KIF18B: variants seen among roughly 807,000 people sequenced by gnomAD.
KIF18B encodes the protein kinesin family member 18B, also known as kinesin-like protein KIF18B.
A neutral mutation model predicts 80.9 loss-of-function variants in KIF18B; 49 were observed. The observed-to-expected ratio is 0.61, with a 90% CI of 0.48 to 0.77. The LOEUF (loss-of-function observed/expected upper bound fraction) is 0.77. KIF18B is among the 30% of genes least tolerant of loss of function. The pLI, the probability that KIF18B is intolerant of heterozygous loss-of-function variation, is 0.00. For synonymous variants in KIF18B, 439 were observed against 463.9 expected (o/e 0.95, Z 0.69); for missense variants, 994 against 1,127.7 (o/e 0.88, Z 1.70).
intron 1 of KIF18B, 101 bp from the exon 2 acceptor site, chr17:44,936,459 GTC>G: frequency 2.1e-6 from 2 of 965,574 alleles, no homozygotes; most frequent in South Asian, 1.6e-5. Context: ...CCAATGACTG[GTC>G]TCTGTTTTAT....
intron 1 of KIF18B, among the ~76,000 whole-genome samples, chr17:44,945,854 TGA>T (rs1373803434): frequency 7.0e-6 from 1 of 142,872 alleles, no homozygotes; most frequent in African/African-American, 2.6e-5. Flanking sequence ...TGCAGGGAGC[TGA>T]GGTGGTACCA....
At position 44,932,117 on chromosome 17, in the gene KIF18B, T is replaced by C; in HGVS notation, c.1328A>G (p.Glu443Gly). ...GMEAQVERAMEGNSSDQEQSP... is the reference protein window; with the variant it reads ...GMEAQVERAMGGNSSDQEQSP... ...CTGCTCCTGGTCTGAAGAGTTCCCT[T>C]CCATGGCCCTCTCCACCTGGGCCTC... is the stretch of plus-strand genomic sequence containing the variant. Residue 443 changes from glutamate (E) to glycine (G), a missense_variant, in exon 10 of 16, where the codon GAA (glutamate) becomes GGA (glycine). By Grantham distance (98) the Glu-to-Gly change is moderately conservative (BLOSUM62 -2). Coordinates refer to ENST00000593135, the MANE Select transcript of KIF18B (RefSeq NM_001265577.2). The C allele has an allele frequency of 6.2e-7, 1 of 1,613,856 alleles. No homozygotes were observed. The highest frequency in any genetic ancestry group is 1.1e-5 in the South Asian group (1 of 91,060).
chr17:44,925,910 A>G lies in KIF18B; in HGVS notation c.*170T>C. The G allele has an allele frequency of 1.5e-6, 1 of 666,436 alleles. No individual in the cohort carries two copies. The allele number at this position is 666,436 out of a possible 1,614,324, so 41.3% of individuals were successfully genotyped here. The stretch of plus-strand genomic sequence containing the variant: ...AGATTAACAGAGGGTGAGTAGCAGG[A>G]TGGATGTCTGGGGAGGGATGTTAAT... On this transcript the variant is annotated 3_prime_UTR_variant, in exon 16 of 16. Coordinates refer to ENST00000593135, the MANE Select transcript of KIF18B (RefSeq NM_001265577.2).
rs2052081873 is a variant in KIF18B at position 44,928,590 on chromosome 17, G to A, written c.1724-12C>T. On this transcript the variant is annotated splice_polypyrimidine_tract_variant and intron_variant, in intron 12 of 15. Transcript: ENST00000593135. ...AGACGGCACAGGGACTGCACAGAAG[G>A]AAGGAGAGTTTGTAGAACTTGGGGA... 4.8e-6 allele frequency: 7 copies of A among 1,446,362 alleles called. No individual in the cohort carries two copies. Among genetic ancestry groups the A allele is most frequent in the African/African-American group, 1.4e-5 (1 of 69,804 alleles). 89.6% of individuals were successfully genotyped at this position (1,446,362 alleles called of 1,614,324 possible). A position where few individuals can be genotyped will look rare whatever the true frequency, so the allele number is the denominator to read the frequency against.
chr17:44,934,952 GGAAGAGGCCT>G lies in KIF18B; in HGVS notation c.472-27_472-18del. 1.3e-6 allele frequency: 2 copies of G among 1,498,420 alleles called. No individual in the cohort carries two copies. The highest frequency in any genetic ancestry group is 1.8e-6 in the Non-Finnish European group (2 of 1,103,056). The allele number at this position is 1,498,420 out of a possible 1,614,324, so 92.8% of individuals were successfully genotyped here. A position where few individuals can be genotyped will look rare whatever the true frequency, so the allele number is the denominator to read the frequency against. ...ATTATACACCTGAGAAAGGAAGAAAGGAAGAGGCCTGAGGGAGAGCGGCCCATCAGGAAAC... is the reference window on the plus strand; with the variant it reads ...ATTATACACCTGAGAAAGGAAGAAAGGAGGGAGAGCGGCCCATCAGGAAAC... On this transcript the variant is annotated intron_variant, in intron 3 of 15. Transcript: ENST00000593135. The surrounding 1 kb of genome is among the most constrained non-coding windows in gnomAD (Gnocchi z 5.4).
intron 3 of KIF18B, 68 bp from the exon 4 acceptor site, chr17:44,935,003 G>T: frequency 8.5e-7 from 1 of 1,169,662 alleles, no homozygotes; most frequent in South Asian, 1.4e-5. Context: ...CCTAGCGGCT[G>T]GACAGGGGAG....
At position 44,937,801 on chromosome 17, in the gene KIF18B, T is replaced by G. The variant is rs148902486; in HGVS notation, c.-14-1443A>C. Among the ~76,000 whole-genome samples the G allele has an allele frequency of 4.0e-3, 609 of 152,320 alleles. 4 individuals are homozygous for G. Among genetic ancestry groups the G allele is most frequent in the African/African-American group, 0.014 (588 of 41,568 alleles). Reference sequence around the variant, plus strand: ...CAATGTTGAATAATAATGATGATAATGTGCATTCTTGTTTTGTTTCTGATT... The same window carrying G: ...CAATGTTGAATAATAATGATGATAAGGTGCATTCTTGTTTTGTTTCTGATT... On this transcript the variant is annotated intron_variant, in intron 1 of 15. Coordinates refer to ENST00000593135, the MANE Select transcript of KIF18B (RefSeq NM_001265577.2).
chr17:44,932,341 T>A, intron 9 of KIF18B, 135 bp from the exon 10 acceptor site: 1 of 993,106 alleles, frequency 1.0e-6, no homozygotes, highest in Non-Finnish European at 1.4e-6. Context: ...ATAGAGTCCA[T>A]AAGGGACAGA....
chr17:44,946,685 C>T (rs1393631727), intron 1 of KIF18B, among the ~76,000 whole-genome samples: 2 of 152,172 alleles, frequency 1.3e-5, no homozygotes, highest in Non-Finnish European at 2.9e-5. Context: ...CCCTTAAGTT[C>T]TGTGGCACAG....
chr17:44,942,877 A>G (rs1485817943), intron 1 of KIF18B, among the ~76,000 whole-genome samples: 1 of 152,234 alleles, frequency 6.6e-6, no homozygotes, highest in Non-Finnish European at 1.5e-5. Flanking sequence ...ACTGTACAAA[A>G]GGAACAGGAG....
intron 11 of KIF18B, among the ~76,000 whole-genome samples, chr17:44,931,169 T>A (rs1391074824): frequency 6.6e-6 from 1 of 152,164 alleles, no homozygotes; most frequent in Admixed American, 6.5e-5. Flanking sequence ...TGAGAAAAAA[T>A]AGCCGCAATC....
At chr17:44,944,454 G>A (rs907135344) in intron 1 of KIF18B, among the ~76,000 whole-genome samples, 1 of 151,986 alleles carries the variant, frequency 6.6e-6, no homozygotes, top group Non-Finnish European at 1.5e-5. Flanking sequence ...TGTCGGTCAG[G>A]CTGGTCTCAT....
chr17:44,935,913 C>A lies in KIF18B; in HGVS notation c.313+119G>T. 4.7e-6 allele frequency: 4 copies of A among 843,880 alleles called. No individual in the cohort carries two copies. The South Asian group carries it at 6.1e-5, about 13-fold the overall frequency. 52.3% of individuals were successfully genotyped at this position (843,880 alleles called of 1,614,324 possible). A position where few individuals can be genotyped will look rare whatever the true frequency, so the allele number is the denominator to read the frequency against. On this transcript the variant is annotated intron_variant, in intron 2 of 15. Transcript: ENST00000593135. ...GCATGATGGGACATTGTACAAAACT[C>A]CTTAGTAAATCGTGCCCAGCTTGGG...
At chr17:44,945,888 G>A (rs866912058) in intron 1 of KIF18B, among the ~76,000 whole-genome samples, 1 of 140,628 alleles carries the variant, frequency 7.1e-6, no homozygotes, top group South Asian at 2.3e-4. Flanking sequence ...CCTGGGCAAC[G>A]AGGGAAATTC....
At position 44,931,731 on chromosome 17, in the gene KIF18B, T is replaced by C. The variant is rs778237771; in HGVS notation, c.1390-2A>G. 5 of 1,613,794 alleles carry C rather than the reference T, an allele frequency of 3.1e-6. No homozygotes were observed. Among genetic ancestry groups the C allele is most frequent in the Non-Finnish European group, 4.2e-6 (5 of 1,179,820 alleles). On this transcript the variant is annotated splice_acceptor_variant, in intron 10 of 15. Coordinates refer to ENST00000593135, the MANE Select transcript of KIF18B (RefSeq NM_001265577.2). LOFTEE classifies it high-confidence loss of function. ...CTGCTCTGGCATCTGGGTTGGAACC[T>C]AAAGAGGAAGGAAAAGGCACAGGTA...
Position 44,943,922 on chromosome 17 carries a change from G to A in KIF18B, c.-15+3706C>T, listed in dbSNP as rs142049405. ...TGTAGAAATGATGTCTCACTATGCC[G>A]CCCAGGCAGATCTCCAACTCCTGGG... On this transcript the variant is annotated intron_variant, in intron 1 of 15. Coordinates refer to ENST00000593135, the MANE Select transcript of KIF18B (RefSeq NM_001265577.2). Among the ~76,000 whole-genome samples, 20 of 152,126 alleles carry A rather than the reference G, an allele frequency of 1.3e-4. No homozygotes were observed. The East Asian group carries it at 2.9e-3, about 22-fold the overall frequency.
rs779950517 is a variant in KIF18B at position 44,932,471 on chromosome 17, C to T, written c.1238+202G>A. 3.9e-4 allele frequency: 230 copies of T among 596,598 alleles called. 1 individual carries two copies. The highest frequency in any genetic ancestry group is 5.9e-4 in the Non-Finnish European group (200 of 336,710). The allele number at this position is 596,598 out of a possible 1,614,324, so 37.0% of individuals were successfully genotyped here. Reference sequence around the variant, plus strand: ...TCTCGAATAGTAGGCCCTGCTCTTACGGGCTGGGGTGCCATTTACTCATTG... The same window carrying T: ...TCTCGAATAGTAGGCCCTGCTCTTATGGGCTGGGGTGCCATTTACTCATTG... On this transcript the variant is annotated intron_variant, in intron 9 of 15. Transcript: ENST00000593135.
At chr17:44,930,127 G>A (rs2052115724) in intron 11 of KIF18B, among the ~76,000 whole-genome samples, 1 of 152,160 alleles carries the variant, frequency 6.6e-6, no homozygotes, top group Non-Finnish European at 1.5e-5. Context: ...AAAAAAGGCA[G>A]GATATAAATT....
chr17:44,936,555 ACTCTCT>A (rs59137224), intron 1 of KIF18B, among the ~76,000 whole-genome samples, 197 bp from the exon 2 acceptor site: 1,602 of 36,852 alleles, frequency 0.043, 120 homozygotes, highest in South Asian at 0.084. Context: ...TACTCAAATG[ACTCTCT>A]CTCTCTCTCT....
Sources: gnomAD v4.1 joint callset for allele counts (sites outside exome capture counted in the v4.1 genomes callset) on GRCh38, gnomAD v4.1.1 for gene constraint, Gnocchi (gnomAD v3.1) non-coding constraint, MANE v1.5 for transcripts, NCBI Gene and HGNC (gene_info 2026-07-23, HGNC 2026-07-21) for gene names.